MSR1: variants seen among roughly 807,000 people sequenced by gnomAD.
MSR1 encodes macrophage scavenger receptor 1.
In MSR1, 53 loss-of-function variants were observed where a neutral mutation model predicts 47.2. The ratio of observed to expected loss-of-function variants is 1.12; its 90% CI spans 0.90 to 1.41. MSR1 has a LOEUF of 1.41. MSR1 is among the 40% of genes most tolerant of loss of function. The pLI is 0.00. For synonymous variants in MSR1, 239 were observed against 185.6 expected (o/e 1.29, Z -2.34); for missense variants, 786 against 546.9 (o/e 1.44, Z -4.36).
intron 5 of MSR1, among the ~76,000 whole-genome samples, chr8:16,158,783 T>G (rs1801080946): frequency 6.6e-6 from 1 of 151,848 alleles, no homozygotes; most frequent in South Asian, 2.1e-4. Flanking sequence ...ACTAGAAGAA[T>G]TTCATTTCTT....
Position 16,130,131 on chromosome 8 carries a change from C to T in MSR1, c.1034-9525G>A, listed in dbSNP as rs1446586046. 1.3e-4 allele frequency among the ~76,000 whole-genome samples: 20 copies of T among 152,146 alleles called. 1 individual carries two copies. Among genetic ancestry groups the T allele is most frequent in the Admixed American group, 1.2e-3 (19 of 15,264 alleles). ...CTGTGAGAGTCAGCTGGGATAGGGA[C>T]TAAGCAGGACAAGTGCTAACTGCTG... On this transcript the variant is annotated intron_variant, in intron 8 of 9. Coordinates refer to ENST00000262101, the MANE Select transcript of MSR1 (RefSeq NM_138715.3).
Position 16,120,512 on chromosome 8 carries a change from G to A in MSR1, c.1128C>T (p.Asp376=), listed in dbSNP as rs35962364. The A allele has an allele frequency of 3.3e-3, 5,365 of 1,613,084 alleles. 141 individuals carry two copies. The African/African-American group carries it at 0.06, about 18-fold the overall frequency. Residue 376 remains aspartate, a synonymous_variant, in exon 9 of 10, where the codon GAC becomes GAT. Coordinates refer to ENST00000262101, the MANE Select transcript of MSR1 (RefSeq NM_138715.3). ...GTCCAACGCGCACTTCCCAGCGATC[G>A]TCACAAATTGTACCCCACTGGCCGC... ...LHSGQWGTIC[D]DRWEVRVGQV... is the part of the protein sequence containing the mutation.
At chr8:16,149,423 C>T (rs1800785478) in intron 7 of MSR1, among the ~76,000 whole-genome samples, 1 of 151,828 alleles carries the variant, frequency 6.6e-6, no homozygotes, top group Non-Finnish European at 1.5e-5. Context: ...GAGACAGGGC[C>T]TCACTATGTT....
Position 16,175,222 on chromosome 8 carries a change from A to C in MSR1, c.182T>G (p.Phe61Cys), listed in dbSNP as rs1295371037. 10 of 1,614,030 alleles carry C rather than the reference A, an allele frequency of 6.2e-6. No individual in the cohort carries two copies. Among genetic ancestry groups the C allele is most frequent in the Non-Finnish European group, 8.5e-6 (10 of 1,180,004 alleles). ...TCCAATGAGAGGGATGAGAACTGCA[A>C]ACACGAGGAGGTAAAGGGCAATCAG... is the stretch of plus-strand genomic sequence containing the variant. The part of the protein sequence containing the change: ...AALIALYLLV[F>C]AVLIPLIGIV... Residue 61 changes from phenylalanine to cysteine, a missense_variant, in exon 3 of 10, where the codon TTT (phenylalanine) becomes TGT (cysteine). By Grantham distance (205) the Phe-to-Cys change is radical. Coordinates refer to ENST00000262101, the MANE Select transcript of MSR1 (RefSeq NM_138715.3).
At chr8:16,134,814 A>G (rs1459448465) in intron 8 of MSR1, among the ~76,000 whole-genome samples, 1 of 152,214 alleles carries the variant, frequency 6.6e-6, no homozygotes, top group Non-Finnish European at 1.5e-5. Flanking sequence ...CAAAAATAAT[A>G]AGAAAACAAA....
chr8:16,112,942 AGTTTTT>A (rs1799792208), intron 9 of MSR1, among the ~76,000 whole-genome samples: 1 of 117,756 alleles, frequency 8.5e-6, no homozygotes, highest in Non-Finnish European at 1.7e-5. Flanking sequence ...ATTTTTTTTA[AGTTTTT>A]TTTTTTTTTT....
intron 8 of MSR1, among the ~76,000 whole-genome samples, chr8:16,142,509 G>C (rs1053744896): frequency 3.0e-4 from 45 of 152,172 alleles, no homozygotes; most frequent in African/African-American, 1.1e-3. Context: ...ACAATACTCT[G>C]TTGTACTTTG....
intron 5 of MSR1, among the ~76,000 whole-genome samples, chr8:16,155,592 T>C (rs1178058919): frequency 1.3e-5 from 2 of 151,974 alleles, no homozygotes; most frequent in African/African-American, 2.4e-5. Context: ...AATTCACACA[T>C]GGTAGACAAC....
chr8:16,186,356 A>G (rs1339814069), intron 1 of MSR1: 1 of 649,088 alleles, frequency 1.5e-6, no homozygotes. Flanking sequence ...TTTAAATATA[A>G]TCTAGAAGGC....
At position 16,109,414 on chromosome 8, in the gene MSR1, A is replaced by G. The variant is rs1799707143; in HGVS notation, c.*671T>C. 6.6e-6 allele frequency: 1 copy of G among 152,260 alleles called. No individual in the cohort carries two copies. The highest frequency in any genetic ancestry group is 6.5e-5 in the Admixed American group (1 of 15,274). The allele number at this position is 152,260 out of a possible 1,614,324, so 9.4% of individuals were successfully genotyped here. A position where few individuals can be genotyped will look rare whatever the true frequency, so the allele number is the denominator to read the frequency against. ...TTTTGATCCACCAATTATCTGGACAAATATACTGATGGTCAGTTTTCTCAT... is the reference window on the plus strand; with the variant it reads ...TTTTGATCCACCAATTATCTGGACAGATATACTGATGGTCAGTTTTCTCAT... On this transcript the variant is annotated 3_prime_UTR_variant, in exon 10 of 10. Coordinates refer to ENST00000262101, the MANE Select transcript of MSR1 (RefSeq NM_138715.3).
At chr8:16,129,426 G>A (rs1392086850) in intron 8 of MSR1, among the ~76,000 whole-genome samples, 2 of 152,050 alleles carry the variant, frequency 1.3e-5, no homozygotes, top group East Asian at 1.9e-4. Context: ...CAAGCCAACT[G>A]TGTCGTTCTA....
At chr8:16,192,229 A>T (rs1802218297) in intron 1 of MSR1, among the ~76,000 whole-genome samples, 1 of 152,194 alleles carries the variant, frequency 6.6e-6, no homozygotes, top group Admixed American at 6.5e-5. Flanking sequence ...TTATGAAAGG[A>T]GAATAGGTGA....
intron 9 of MSR1, among the ~76,000 whole-genome samples, chr8:16,116,460 A>G (rs910362790): frequency 6.6e-6 from 1 of 152,174 alleles, no homozygotes; most frequent in African/African-American, 2.4e-5. Flanking sequence ...AGAATCACCA[A>G]CTACCATAAA....
intron 8 of MSR1, among the ~76,000 whole-genome samples, chr8:16,136,863 A>T (rs1800403343): frequency 6.6e-6 from 1 of 152,066 alleles, no homozygotes. Flanking sequence ...GGCCTCCCAA[A>T]GCGCTGGGAT....
intron 5 of MSR1, among the ~76,000 whole-genome samples, chr8:16,158,096 T>C (rs554443224): frequency 6.6e-6 from 1 of 151,988 alleles, no homozygotes; most frequent in African/African-American, 2.4e-5. Context: ...GTCAGCTCCC[T>C]TGCTGATACA....
intron 3 of MSR1, among the ~76,000 whole-genome samples, chr8:16,174,508 G>C (rs954604127): frequency 6.6e-6 from 1 of 152,088 alleles, no homozygotes; most frequent in African/African-American, 2.4e-5. Flanking sequence ...TCTATCTCCG[G>C]TTCAAGTCAG....
At position 16,177,779 on chromosome 8, in the gene MSR1, A is replaced by AT. The variant is rs34509584; in HGVS notation, c.103+106dup. The AT allele has an allele frequency of 5.0e-4, 433 of 862,942 alleles. 1 individual carries two copies. The African/African-American group carries it at 6.0e-3, about 12-fold the overall frequency. The allele number at this position is 862,942 out of a possible 1,614,324, so 53.5% of individuals were successfully genotyped here. A position where few individuals can be genotyped will look rare whatever the true frequency, so the allele number is the denominator to read the frequency against. ...TACCCCTGTTGGTCAAATAAGTATT[A>AT]TTTTAACATCCACTTACATTTAAGG... is the stretch of plus-strand genomic sequence containing the variant. On this transcript the variant is annotated intron_variant, in intron 2 of 9. Coordinates refer to ENST00000262101, the MANE Select transcript of MSR1 (RefSeq NM_138715.3).
At chr8:16,153,406 C>T (rs763373564) in intron 6 of MSR1, among the ~76,000 whole-genome samples, 18 of 151,884 alleles carry the variant, frequency 1.2e-4, no homozygotes, top group Non-Finnish European at 7.4e-5. Flanking sequence ...AACCTGATAA[C>T]CTAGAAGAGT....
In MSR1 at chr8:16,175,347, C is replaced by T. The variant is rs376202231; in HGVS notation, c.104-47G>A. The stretch of plus-strand genomic sequence containing the variant: ...GCCTACTGTTAGAAAGTGTTGTCTT[C>T]TTCCATAATTAAAATTGTTTTAATC... On this transcript the variant is annotated intron_variant, in intron 2 of 9. Transcript: ENST00000262101. 73 of 1,431,478 alleles carry T rather than the reference C, an allele frequency of 5.1e-5. No homozygotes were observed. In the African/African-American group the frequency reaches 9.1e-4, roughly 18 times the overall value. 88.7% of individuals were successfully genotyped at this position (1,431,478 alleles called of 1,614,324 possible). A position where few individuals can be genotyped will look rare whatever the true frequency, so the allele number is the denominator to read the frequency against.
Sources: gnomAD v4.1 joint callset for allele counts (sites outside exome capture counted in the v4.1 genomes callset) on GRCh38, gnomAD v4.1.1 for gene constraint, MANE v1.5 for transcripts, NCBI Gene and HGNC (gene_info 2026-07-23, HGNC 2026-07-21) for gene names.